Variants in CAMTA1 observed in about 807,000 individuals in gnomAD.
CAMTA1 encodes calmodulin binding transcription activator 1, also known as calmodulin-binding transcription activator 1.
In CAMTA1, 27 loss-of-function variants were observed where a neutral mutation model predicts 170.9. That is an observed-to-expected ratio of 0.16 (90% confidence interval 0.12 to 0.22). The LOEUF (loss-of-function observed/expected upper bound fraction) is 0.22, where lower values mean the gene tolerates loss of function less well. Among genes scored for constraint, CAMTA1 ranks in the 10% least tolerant of loss-of-function variants. The pLI, the probability that CAMTA1 is intolerant of heterozygous loss-of-function variation, is 1.00. For synonymous variants in CAMTA1, 833 were observed against 891.5 expected (o/e 0.93, Z 1.17); for missense variants, 1,619 against 2,217.2 (o/e 0.73, Z 5.42).
At position 7,736,928 on chromosome 1, in the gene CAMTA1, T is replaced by C. The variant is rs772233147; in HGVS notation, c.3264-3T>C. 2.5e-6 allele frequency: 4 copies of C among 1,611,106 alleles called. No individual in the cohort carries two copies. The highest frequency in any genetic ancestry group is 2.2e-5 in the East Asian group (1 of 44,830). On this transcript the variant is annotated splice_region_variant and splice_polypyrimidine_tract_variant and intron_variant, in intron 13 of 22. Transcript: ENST00000303635. This position sits in a 1 kb window ranked among gnomAD's most constrained non-coding sequence, Gnocchi z 4.5. Reference sequence around the variant, plus strand: ...TGGTAATTTCTGGTGCTCTCCCTTATAGTACAAAGCACGCGGATAGCATTG... The same window carrying C: ...TGGTAATTTCTGGTGCTCTCCCTTACAGTACAAAGCACGCGGATAGCATTG...
rs538627852 is a variant in CAMTA1 at position 7,649,330 on chromosome 1, G to A, written c.664+8777G>A. Among the ~76,000 whole-genome samples, 4 of 152,362 alleles carry A rather than the reference G, an allele frequency of 2.6e-5. No homozygotes were observed. In the South Asian group the frequency reaches 6.2e-4, roughly 24 times the overall value. ...CCGGCTCCCTGCCTGCATCTGCGGG[G>A]CCTGGGAGTCATGGGGGAGGCAGCG... On this transcript the variant is annotated intron_variant, in intron 7 of 22. Transcript: ENST00000303635.
chr1:7,718,365 G>A (rs1290796734), intron 11 of CAMTA1, among the ~76,000 whole-genome samples: 1 of 152,120 alleles, frequency 6.6e-6, no homozygotes, highest in Non-Finnish European at 1.5e-5. Context: ...CAAACAAGCC[G>A]CTGGTGCTTA....
chr1:7,654,708 AAC>A (rs2095869812), intron 7 of CAMTA1, among the ~76,000 whole-genome samples: 1 of 139,674 alleles, frequency 7.2e-6, no homozygotes. Flanking sequence ...TATACACACA[AAC>A]ACACCCACCT....
Position 7,500,429 on chromosome 1 carries a change from TGTG to T in CAMTA1, c.510+32529_510+32531del, listed in dbSNP as rs368951601. Among the ~76,000 whole-genome samples, 1,164 of 149,452 alleles carry T rather than the reference TGTG, an allele frequency of 7.8e-3. 16 individuals carry two copies. The highest frequency in any genetic ancestry group is 0.027 in the African/African-American group (1,093 of 39,770). ...TGTAGAGAGGATGGTGTGAGCCTGT[TGTG>T]TGTGTGTGTGCATGAGTGAGTGTGT... On this transcript the variant is annotated intron_variant, in intron 6 of 22. Coordinates refer to ENST00000303635, the MANE Select transcript of CAMTA1 (RefSeq NM_015215.4).
At chr1:7,207,335 G>T (rs1229033741) in intron 4 of CAMTA1, among the ~76,000 whole-genome samples, 3 of 152,188 alleles carry the variant, frequency 2.0e-5, no homozygotes, top group Non-Finnish European at 4.4e-5. Context: ...CGTGTCAAGG[G>T]CCAGGTTGCT....
intron 3 of CAMTA1, among the ~76,000 whole-genome samples, chr1:7,077,757 C>T (rs1639491173): frequency 6.6e-6 from 1 of 152,044 alleles, no homozygotes; most frequent in South Asian, 2.1e-4. Flanking sequence ...TTAGGTGGCT[C>T]TGCTGTACTT....
chr1:7,528,014 G>A (rs913728333), intron 6 of CAMTA1, among the ~76,000 whole-genome samples: 3 of 152,172 alleles, frequency 2.0e-5, no homozygotes, highest in Non-Finnish European at 4.4e-5. Context: ...ACGGAGCCCT[G>A]GGGTTAGGAA....
At chr1:7,663,306 A>G (rs760317338) in intron 8 of CAMTA1, 47 bp from the exon 9 acceptor site, 3 of 1,512,878 alleles carry the variant, frequency 2.0e-6, no homozygotes, top group Non-Finnish European at 1.8e-6. Flanking sequence ...GTGTGTGCAC[A>G]TGTGTGCCTG....
chr1:7,376,077 A>G (rs2086822894), intron 5 of CAMTA1, among the ~76,000 whole-genome samples: 1 of 152,242 alleles, frequency 6.6e-6, no homozygotes, highest in Non-Finnish European at 1.5e-5. Context: ...GGGAGGCCAA[A>G]TAAATATTTC....
At chr1:7,442,995 T>C (rs1398548909) in intron 5 of CAMTA1, among the ~76,000 whole-genome samples, 3 of 151,792 alleles carry the variant, frequency 2.0e-5, no homozygotes, top group Admixed American at 2.0e-4. Flanking sequence ...CAGGATGTCC[T>C]TTCCATCCCT....
At chr1:6,928,375 T>A (rs1683741427) in intron 3 of CAMTA1, among the ~76,000 whole-genome samples, 1 of 152,188 alleles carries the variant, frequency 6.6e-6, no homozygotes, top group South Asian at 2.1e-4. Flanking sequence ...TCTGAAGAGA[T>A]CAGAGAGAGA....
chr1:7,257,636 A>T (rs6698698), intron 5 of CAMTA1, among the ~76,000 whole-genome samples: 1 of 151,964 alleles, frequency 6.6e-6, no homozygotes, highest in Non-Finnish European at 1.5e-5. Context: ...TAGTATGTAC[A>T]TGCACAGACA....
At chr1:6,855,304 TTA>T (rs200856577) in intron 3 of CAMTA1, among the ~76,000 whole-genome samples, 1,824 of 151,986 alleles carry the variant, frequency 0.012, 20 homozygotes, top group South Asian at 0.032. Context: ...ACTGGGTGAT[TTA>T]TAAAGAAAAG....
chr1:7,292,284 T>G (rs1028117164), intron 5 of CAMTA1, among the ~76,000 whole-genome samples: 1 of 152,090 alleles, frequency 6.6e-6, no homozygotes, highest in South Asian at 2.1e-4. Flanking sequence ...TACTCTTACG[T>G]CCTGGCAGTT....
chr1:7,656,830 T>C (rs2095907819), intron 7 of CAMTA1, among the ~76,000 whole-genome samples: 1 of 152,264 alleles, frequency 6.6e-6, no homozygotes, highest in Admixed American at 6.5e-5. Flanking sequence ...GCTGTTGTCA[T>C]TGATTTCATT....
chr1:7,536,702 A>G (rs2094553297), intron 6 of CAMTA1, among the ~76,000 whole-genome samples: 1 of 152,208 alleles, frequency 6.6e-6, no homozygotes, highest in South Asian at 2.1e-4. Flanking sequence ...TGAGGTGTGG[A>G]CGCAGGGCTT....
chr1:7,117,295 T>A (rs921958309), intron 4 of CAMTA1, among the ~76,000 whole-genome samples: 1 of 152,140 alleles, frequency 6.6e-6, no homozygotes, highest in Non-Finnish European at 1.5e-5. Flanking sequence ...TACTCACATT[T>A]CACTATTTTC....
intron 5 of CAMTA1, among the ~76,000 whole-genome samples, chr1:7,454,589 G>A (rs1307269624): frequency 1.3e-5 from 2 of 152,162 alleles, no homozygotes; most frequent in Non-Finnish European, 1.5e-5. Context: ...CCAGGCCCAA[G>A]GCCAGGCACC....
chr1:7,696,008 C>T (rs1449173019), intron 11 of CAMTA1, among the ~76,000 whole-genome samples: 1 of 152,150 alleles, frequency 6.6e-6, no homozygotes, highest in Admixed American at 6.6e-5. Flanking sequence ...TAGCTAGTTG[C>T]TTCCCTAAAA....
Sources: gnomAD v4.1 joint callset for allele counts (sites outside exome capture counted in the v4.1 genomes callset) on GRCh38, gnomAD v4.1.1 for gene constraint, Gnocchi (gnomAD v3.1) non-coding constraint, MANE v1.5 for transcripts, NCBI Gene and HGNC (gene_info 2026-07-23, HGNC 2026-07-21) for gene names.